KCNAB2: variants seen among roughly 807,000 people sequenced by gnomAD.
KCNAB2 encodes the protein voltage-gated potassium channel subunit beta-2.
Under a neutral mutation model 63.6 loss-of-function variants are expected in KCNAB2, and 29 were observed. That is an observed-to-expected ratio of 0.46 (90% confidence interval 0.34 to 0.62). The LOEUF is 0.62. Among genes scored for constraint, KCNAB2 ranks in the 20% least tolerant of loss-of-function variants. The probability of loss-of-function intolerance (pLI) is 0.01; values close to 1 mark genes in which losing one functional copy is unlikely to be tolerated. For synonymous variants in KCNAB2, 222 were observed against 224.2 expected (o/e 0.99, Z 0.09); for missense variants, 359 against 563.9 (o/e 0.64, Z 3.68).
At position 6,078,618 on chromosome 1, in the gene KCNAB2, T is replaced by C. The variant is rs900626166; in HGVS notation, c.301-3577T>C. ...ATAGAGCTGGGGGTCAGGGTGCAGA[T>C]CTGGTGGAGACTTTGGCTTTGACCC... On this transcript the variant is annotated intron_variant, in intron 4 of 15. Transcript: ENST00000378083. The surrounding 1 kb of genome is among the most constrained non-coding windows in gnomAD (Gnocchi z 4.2). Among the ~76,000 whole-genome samples the C allele has an allele frequency of 6.6e-6, 1 of 152,050 alleles. No homozygotes were observed. Among genetic ancestry groups the C allele is most frequent in the Admixed American group, 6.5e-5 (1 of 15,278 alleles).
At chr1:6,034,555 C>T (rs1354848151) in exon 1 of KCNAB2, 1 of 152,280 alleles carries the variant, frequency 6.6e-6, no homozygotes, top group Non-Finnish European at 1.5e-5. Flanking sequence ...CAGGTGGCCT[C>T]CCAGGGACGC....
At chr1:6,084,023 T>C (rs1189554686) in intron 5 of KCNAB2, among the ~76,000 whole-genome samples, 1 of 152,230 alleles carries the variant, frequency 6.6e-6, no homozygotes, top group East Asian at 1.9e-4. Context: ...GGCCTAGGGC[T>C]GAGTGAATTT....
At chr1:6,064,588 A>G (rs1439315242) in intron 2 of KCNAB2, among the ~76,000 whole-genome samples, 9 of 152,200 alleles carry the variant, frequency 5.9e-5, no homozygotes, top group Admixed American at 3.3e-4. Context: ...AGCCCTAGGT[A>G]GGGGCCAAAG....
intron 1 of KCNAB2, among the ~76,000 whole-genome samples, chr1:6,036,673 G>A (rs1016826780): frequency 6.6e-6 from 1 of 152,120 alleles, no homozygotes; most frequent in Non-Finnish European, 1.5e-5. Context: ...TGTGGGGCCG[G>A]TTCACTGGGT....
rs376035392 is a variant in KCNAB2 at position 6,073,842 on chromosome 1, G to A, written c.300+72G>A. Reference sequence around the variant, plus strand: ...CAGAGCACATGGTTAAGTCTGCCGCGTGGACCAGTGAGCACGTGCTCCCGG... The same window carrying A: ...CAGAGCACATGGTTAAGTCTGCCGCATGGACCAGTGAGCACGTGCTCCCGG... On this transcript the variant is annotated intron_variant, in intron 4 of 15. Transcript: ENST00000378083. The surrounding 1 kb of genome is among the most constrained non-coding windows in gnomAD (Gnocchi z 5.7). The A allele has an allele frequency of 8.5e-5, 127 of 1,486,312 alleles. No individual in the cohort carries two copies. Among genetic ancestry groups the A allele is most frequent in the East Asian group, 1.8e-4 (8 of 43,904 alleles). The allele number at this position is 1,486,312 out of a possible 1,614,324, so 92.1% of individuals were successfully genotyped here.
Position 5,994,768 on chromosome 1 carries a change from C to T in KCNAB2, c.-53+1980C>T, listed in dbSNP as rs759700954. Among the ~76,000 whole-genome samples the T allele has an allele frequency of 6.6e-6, 1 of 152,146 alleles. No homozygotes were observed. The highest frequency in any genetic ancestry group is 2.4e-5 in the African/African-American group (1 of 41,428). On this transcript the variant is annotated intron_variant, in intron 1 of 16. Transcript: ENST00000341524. The surrounding 1 kb of genome is among the most constrained non-coding windows in gnomAD (Gnocchi z 5.4). The stretch of plus-strand genomic sequence containing the variant: ...CATGGCGCTAGAGAGCTGGAAAGGC[C>T]GAGGGTGCCATGGGCTGGCCAGCTA...
chr1:6,033,475 C>T (rs1331244958), upstream of KCNAB2, among the ~76,000 whole-genome samples: 1 of 151,764 alleles, frequency 6.6e-6, no homozygotes, highest in African/African-American at 2.4e-5. Context: ...AGGTGTGTGC[C>T]TGTGCATGTA....
intron 1 of KCNAB2, among the ~76,000 whole-genome samples, chr1:6,049,683 G>A (rs1182967668): frequency 2.0e-5 from 3 of 152,196 alleles, no homozygotes; most frequent in African/African-American, 7.2e-5. Context: ...GGCTCCTCGG[G>A]GGCTCCTTGC....
At chr1:5,997,051 G>T (rs893080126) in intron 1 of KCNAB2, among the ~76,000 whole-genome samples, 2 of 152,122 alleles carry the variant, frequency 1.3e-5, no homozygotes, top group Non-Finnish European at 2.9e-5. Flanking sequence ...CCCTCTATCT[G>T]AATGGGTGAA....
Position 6,046,141 on chromosome 1 carries a change from A to G in KCNAB2, c.-69A>G. ...AGTGTCTGGTGATCCCTAATAAACCAGACTGTGGCCTTTTTAACGAGCAGA... is the reference window on the plus strand; with the variant it reads ...AGTGTCTGGTGATCCCTAATAAACCGGACTGTGGCCTTTTTAACGAGCAGA... On this transcript the variant is annotated 5_prime_UTR_variant, in exon 1 of 16. Transcript: ENST00000378083. The G allele has an allele frequency of 1.0e-6, 1 of 985,392 alleles. No individual in the cohort carries two copies. The highest frequency in any genetic ancestry group is 1.2e-6 in the Non-Finnish European group (1 of 829,922). The allele number at this position is 985,392 out of a possible 1,614,324, so 61.0% of individuals were successfully genotyped here. A position where few individuals can be genotyped will look rare whatever the true frequency, so the allele number is the denominator to read the frequency against.
intron 2 of KCNAB2, among the ~76,000 whole-genome samples, chr1:6,053,248 C>G (rs1457409673): frequency 5.3e-5 from 8 of 152,074 alleles, no homozygotes; most frequent in Non-Finnish European, 8.8e-5. Flanking sequence ...AGGGGCTGGT[C>G]ATTGATTCCT....
upstream of KCNAB2, among the ~76,000 whole-genome samples, chr1:6,030,700 G>A (rs1659546032): frequency 6.6e-6 from 1 of 151,632 alleles, no homozygotes; most frequent in Non-Finnish European, 1.5e-5. Context: ...GTATGTGTGT[G>A]TGTATGTGTG....
chr1:6,096,443 C>T lies in KCNAB2; in HGVS notation c.949-193C>T, dbSNP rs1044305479. 4.2e-6 allele frequency: 3 copies of T among 712,082 alleles called. No homozygotes were observed. Among genetic ancestry groups the T allele is most frequent in the East Asian group, 5.6e-5 (2 of 35,830 alleles). 44.1% of individuals were successfully genotyped at this position (712,082 alleles called of 1,614,324 possible). On this transcript the variant is annotated intron_variant, in intron 13 of 15. Transcript: ENST00000378083. This position sits in a 1 kb window ranked among gnomAD's most constrained non-coding sequence, Gnocchi z 5.9. ...GACAGGCCCCGCTCATCCACCAGCCCGTGCCCGGCCCACTGCCCACTCTCC... is the reference window on the plus strand; with the variant it reads ...GACAGGCCCCGCTCATCCACCAGCCTGTGCCCGGCCCACTGCCCACTCTCC...
intron 1 of KCNAB2, among the ~76,000 whole-genome samples, chr1:6,020,824 G>T (rs894267347): frequency 9.2e-5 from 14 of 152,032 alleles, no homozygotes; most frequent in Non-Finnish European, 1.8e-4. Context: ...CCACCACCAT[G>T]CCTGGCTAAT....
Position 6,096,829 on chromosome 1 carries a change from G to A in KCNAB2, c.1069+73G>A. The stretch of plus-strand genomic sequence containing the variant: ...CCCAGCTGGCCGTAGGTAACAGGGT[G>A]GGGTTGCCATGGGGCCAGTGTCTCC... On this transcript the variant is annotated intron_variant, in intron 14 of 15. Transcript: ENST00000378083. The surrounding 1 kb of genome is among the most constrained non-coding windows in gnomAD (Gnocchi z 5.9). 6.8e-7 allele frequency: 1 copy of A among 1,467,540 alleles called. No homozygotes were observed. The highest frequency in any genetic ancestry group is 9.1e-7 in the Non-Finnish European group (1 of 1,101,452). 90.9% of individuals were successfully genotyped at this position (1,467,540 alleles called of 1,614,324 possible). A position where few individuals can be genotyped will look rare whatever the true frequency, so the allele number is the denominator to read the frequency against.
chr1:6,033,555 A>G (rs1395575357), upstream of KCNAB2, among the ~76,000 whole-genome samples: 1 of 152,208 alleles, frequency 6.6e-6, no homozygotes, highest in South Asian at 2.1e-4. Flanking sequence ...GAATGCATAC[A>G]AGTGAGACAA....
chr1:6,093,079 G>C (rs528500448), intron 10 of KCNAB2, among the ~76,000 whole-genome samples: 7 of 152,178 alleles, frequency 4.6e-5, no homozygotes, highest in Non-Finnish European at 7.3e-5. Context: ...GCCATTCCAG[G>C]GGGGAGCCTG....
At chr1:5,995,302 G>C (rs1238481136) in intron 1 of KCNAB2, among the ~76,000 whole-genome samples, 4 of 152,190 alleles carry the variant, frequency 2.6e-5, no homozygotes, top group Non-Finnish European at 5.9e-5. Context: ...GGACTAAACG[G>C]AAGGACAGGC....
intron 1 of KCNAB2, among the ~76,000 whole-genome samples, chr1:5,999,308 G>A (rs957214904): frequency 1.3e-5 from 2 of 152,170 alleles, no homozygotes; most frequent in Non-Finnish European, 2.9e-5. Flanking sequence ...CAGCCCTCAG[G>A]GGTCCTGGTG....
Sources: allele counts gnomAD v4.1 joint callset (sites outside exome capture counted in the v4.1 genomes callset), GRCh38; gene constraint gnomAD v4.1.1; non-coding constraint Gnocchi (gnomAD v3.1); transcripts MANE v1.5; gene names NCBI Gene and HGNC (gene_info 2026-07-23, HGNC 2026-07-21).